ST6GALNAC3: variants seen among roughly 807,000 people sequenced by gnomAD.
ST6GALNAC3 encodes the protein alpha-N-acetylgalactosaminide alpha-2,6-sialyltransferase 3.
ST6GALNAC3 carries 25 observed loss-of-function variants against 32.7 expected under a neutral mutation model. The observed-to-expected ratio is 0.76, with a 90% confidence interval of 0.56 to 1.07. The LOEUF (loss-of-function observed/expected upper bound fraction) is 1.07, where lower values mean the gene tolerates loss of function less well. Among genes scored for constraint, ST6GALNAC3 ranks in the 50% least tolerant of loss-of-function variants. ST6GALNAC3 has a pLI of 0.00. For synonymous variants in ST6GALNAC3, 129 were observed against 133.1 expected (o/e 0.97, Z 0.21); for missense variants, 355 against 382.4 (o/e 0.93, Z 0.60).
chr1:76,141,639 A>G (rs1329416236), intron 1 of ST6GALNAC3, among the ~76,000 whole-genome samples: 4 of 152,218 alleles, frequency 2.6e-5, no homozygotes, highest in Non-Finnish European at 4.4e-5. Flanking sequence ...TGCCATTTAA[A>G]TCATTCATTA....
intron 1 of ST6GALNAC3, among the ~76,000 whole-genome samples, chr1:76,186,146 A>G (rs1029359906): frequency 2.0e-5 from 3 of 152,090 alleles, no homozygotes; most frequent in Non-Finnish European, 2.9e-5. Context: ...ACCCACACAC[A>G]TTACACTCTT....
chr1:76,145,423 G>A (rs970060627), intron 1 of ST6GALNAC3, among the ~76,000 whole-genome samples: 1 of 152,154 alleles, frequency 6.6e-6, no homozygotes, highest in Non-Finnish European at 1.5e-5. Context: ...TCACCAGGGA[G>A]CTTGTTGGAC....
At chr1:76,565,530 T>C (rs1265774981) in intron 3 of ST6GALNAC3, among the ~76,000 whole-genome samples, 1 of 152,182 alleles carries the variant, frequency 6.6e-6, no homozygotes, top group African/African-American at 2.4e-5. Flanking sequence ...GTCATCTCCT[T>C]CTTACTGGGT....
chr1:76,538,468 G>T (rs1373771991), intron 3 of ST6GALNAC3, among the ~76,000 whole-genome samples: 4 of 152,096 alleles, frequency 2.6e-5, no homozygotes, highest in Non-Finnish European at 5.9e-5. Flanking sequence ...ACAAGACAAG[G>T]ATGCCCTCTC....
chr1:76,086,358 A>G (rs1646964585), intron 1 of ST6GALNAC3, among the ~76,000 whole-genome samples: 1 of 152,178 alleles, frequency 6.6e-6, no homozygotes. Flanking sequence ...GAAAGACGAT[A>G]GTTTTTTTTC....
intron 3 of ST6GALNAC3, among the ~76,000 whole-genome samples, chr1:76,471,173 A>G (rs761205030): frequency 1.3e-5 from 2 of 152,008 alleles, no homozygotes; most frequent in Admixed American, 1.3e-4. Context: ...ATATCCTTGG[A>G]TTTTCCTGCC....
At chr1:76,377,771 C>T (rs543483289) in intron 2 of ST6GALNAC3, among the ~76,000 whole-genome samples, 1 of 152,240 alleles carries the variant, frequency 6.6e-6, no homozygotes, top group South Asian at 2.1e-4. Context: ...ATGGAACCTA[C>T]CTCGTAGAAT....
intron 2 of ST6GALNAC3, among the ~76,000 whole-genome samples, chr1:76,401,513 G>T: frequency 2.0e-5 from 3 of 152,000 alleles, no homozygotes; most frequent in Admixed American, 2.0e-4. Context: ...TATTTTTGTT[G>T]GTTTTCTTTA....
At chr1:76,216,709 A>G (rs1286398928) in intron 1 of ST6GALNAC3, among the ~76,000 whole-genome samples, 1 of 152,226 alleles carries the variant, frequency 6.6e-6, no homozygotes, top group Non-Finnish European at 1.5e-5. Context: ...GTGAAATCCA[A>G]TGTGGAAAGG....
At chr1:76,374,146 T>G (rs368189569) in intron 2 of ST6GALNAC3, among the ~76,000 whole-genome samples, 1 of 152,328 alleles carries the variant, frequency 6.6e-6, no homozygotes, top group African/African-American at 2.4e-5. Context: ...CACTTAGCAC[T>G]TATATAGGGC....
At chr1:76,356,548 T>C (rs550434447) in intron 2 of ST6GALNAC3, among the ~76,000 whole-genome samples, 3 of 151,888 alleles carry the variant, frequency 2.0e-5, no homozygotes, top group East Asian at 1.9e-4. Flanking sequence ...TTGTTAATGT[T>C]GTTATGAGGA....
At chr1:76,517,465 TTTTA>T (rs1271035124) in intron 3 of ST6GALNAC3, among the ~76,000 whole-genome samples, 2 of 151,896 alleles carry the variant, frequency 1.3e-5, no homozygotes, top group African/African-American at 4.8e-5. Context: ...TTTTTATAGA[TTTTA>T]TTTATTCTTG....
At chr1:76,289,516 G>A (rs1659958110) in intron 1 of ST6GALNAC3, among the ~76,000 whole-genome samples, 1 of 152,142 alleles carries the variant, frequency 6.6e-6, no homozygotes, top group Non-Finnish European at 1.5e-5. Context: ...CACCCTCAAG[G>A]GGGCAAAAAG....
chr1:76,516,242 T>A (rs1187856776), intron 3 of ST6GALNAC3, among the ~76,000 whole-genome samples: 3 of 152,160 alleles, frequency 2.0e-5, no homozygotes, highest in Non-Finnish European at 4.4e-5. Flanking sequence ...CTTTGAGTTA[T>A]TTTTTTAAAA....
intron 3 of ST6GALNAC3, among the ~76,000 whole-genome samples, chr1:76,531,969 AC>A (rs1663286721): frequency 6.6e-6 from 1 of 152,176 alleles, no homozygotes; most frequent in Non-Finnish European, 1.5e-5. Context: ...CTAGCCAAAC[AC>A]AGCTGCACAG....
rs533119442 is a variant in ST6GALNAC3 at position 76,363,546 on chromosome 1, C to T, written c.214-48462C>T. On this transcript the variant is annotated intron_variant, in intron 2 of 4. Coordinates refer to ENST00000328299, the MANE Select transcript of ST6GALNAC3 (RefSeq NM_152996.4). ...GTTCCAATCTCTATCCATTACCCAG[C>T]TCTAAAGTTGTTTCATATTCAGGTA... Among the ~76,000 whole-genome samples, 8 of 152,326 alleles carry T rather than the reference C, an allele frequency of 5.3e-5. No homozygotes were observed. In the South Asian group the frequency reaches 1.7e-3, roughly 32 times the overall value.
At position 76,322,114 on chromosome 1, in the gene ST6GALNAC3, A is replaced by C. The variant is rs576902843; in HGVS notation, c.213+8115A>C. 2.0e-5 allele frequency among the ~76,000 whole-genome samples: 3 copies of C among 152,262 alleles called. No individual in the cohort carries two copies. In the South Asian group the frequency reaches 6.2e-4, roughly 32 times the overall value. ...CTATTAGAAATTCAACTATCAAATT[A>C]CCTCATTTGTGACAAGCAAAGGAAA... On this transcript the variant is annotated intron_variant, in intron 2 of 4. Transcript: ENST00000328299.
intron 1 of ST6GALNAC3, among the ~76,000 whole-genome samples, chr1:76,216,302 G>T (rs544362007): frequency 2.0e-5 from 3 of 152,018 alleles, no homozygotes; most frequent in East Asian, 3.9e-4. Flanking sequence ...ACACAAATAC[G>T]CATATATGTG....
chr1:76,400,373 G>A (rs1277378740), intron 2 of ST6GALNAC3, among the ~76,000 whole-genome samples: 2 of 151,794 alleles, frequency 1.3e-5, no homozygotes, highest in African/African-American at 4.8e-5. Flanking sequence ...AACTTTTTTT[G>A]TTGTGAAGAA....
Sources: allele counts gnomAD v4.1 joint callset (sites outside exome capture counted in the v4.1 genomes callset), GRCh38; gene constraint gnomAD v4.1.1; transcripts MANE v1.5; gene names NCBI Gene and HGNC (gene_info 2026-07-23, HGNC 2026-07-21).